The following COA1 variants were observed in gnomAD, a reference collection of about 807,000 sequenced individuals.
COA1 encodes the protein cytochrome c oxidase assembly factor 1.
In COA1, 13 loss-of-function variants were observed where a neutral mutation model predicts 16.0. That is an observed-to-expected ratio of 0.81 (90% CI 0.53 to 1.29). COA1 has a LOEUF of 1.29. COA1 is among the 50% of genes most tolerant of loss of function. The pLI, the probability that COA1 is intolerant of heterozygous loss-of-function variation, is 0.00. For missense variants in COA1, 179 were observed against 177.0 expected (o/e 1.01, Z -0.06); for synonymous variants, 65 against 65.7 (o/e 0.99, Z 0.05).
chr7:43,700,573 T>A (rs976110280), intron 1 of COA1, among the ~76,000 whole-genome samples: 21 of 131,138 alleles, frequency 1.6e-4, no homozygotes, highest in African/African-American at 5.6e-4. Context: ...TATGTACACA[T>A]ATATACGTGT....
intron 1 of COA1, among the ~76,000 whole-genome samples, chr7:43,685,506 G>C (rs971294631): frequency 3.9e-5 from 6 of 152,172 alleles, no homozygotes; most frequent in Non-Finnish European, 7.3e-5. Context: ...TTTGCGGTGG[G>C]GTGGGTAGGG....
chr7:43,644,541 A>G (rs1194316259), intron 4 of COA1, among the ~76,000 whole-genome samples: 1 of 150,858 alleles, frequency 6.6e-6, no homozygotes, highest in Non-Finnish European at 1.5e-5. Flanking sequence ...TTTTTTTTTA[A>G]TTTTACAGAC....
In COA1 at chr7:43,710,957, T is replaced by C. The variant is rs74481231; in HGVS notation, c.-39+18472A>G. Among the ~76,000 whole-genome samples the C allele has an allele frequency of 2.6e-5, 4 of 152,204 alleles. 1 individual carries two copies. Among genetic ancestry groups the C allele is most frequent in the South Asian group, 4.2e-4 (2 of 4,818 alleles). On this transcript the variant is annotated intron_variant, in intron 1 of 5. Transcript: ENST00000223336. Reference sequence around the variant, plus strand: ...ATGTAGCAAGTCACATGGAAGCCTTTTGAGATAACTGCTCCAACCAGCAAT... The same window carrying C: ...ATGTAGCAAGTCACATGGAAGCCTTCTGAGATAACTGCTCCAACCAGCAAT...
chr7:43,661,220 G>A (rs2092389361), intron 1 of COA1, among the ~76,000 whole-genome samples: 1 of 152,172 alleles, frequency 6.6e-6, no homozygotes, highest in East Asian at 1.9e-4. Flanking sequence ...GGCTAGGATT[G>A]GGTTTTCCAT....
In COA1 at chr7:43,611,760, T is replaced by C. The variant is rs535427218; in HGVS notation, c.*134-2265A>G. On this transcript the variant is annotated intron_variant and NMD_transcript_variant, in intron 6 of 6. Transcript: ENST00000415076. ...CATGTTTGGTTTTACACTCTTAACTTTGCAAAATCGTGTATCTGTTTTATT... is the reference window on the plus strand; with the variant it reads ...CATGTTTGGTTTTACACTCTTAACTCTGCAAAATCGTGTATCTGTTTTATT... Among the ~76,000 whole-genome samples the C allele has an allele frequency of 2.0e-5, 3 of 152,350 alleles. No individual in the cohort carries two copies. The East Asian group carries it at 5.8e-4, about 29-fold the overall frequency.
chr7:43,714,069 C>T (rs2095328083), intron 1 of COA1, among the ~76,000 whole-genome samples: 1 of 152,090 alleles, frequency 6.6e-6, no homozygotes, highest in South Asian at 2.1e-4. Flanking sequence ...CGGTGGTATG[C>T]ACCAATAGTC....
At position 43,645,205 on chromosome 7, in the gene COA1, T is replaced by C. The variant is rs1584307033; in HGVS notation, c.264+46A>G. On this transcript the variant is annotated intron_variant, in intron 4 of 5. Coordinates refer to ENST00000223336, the MANE Select transcript of COA1 (RefSeq NM_018224.4). Reference sequence around the variant, plus strand: ...TTCCAGGAGACAGTAGACTCTCCTCTCCTTCAGCAGGCACCAGCCTGCGGT... The same window carrying C: ...TTCCAGGAGACAGTAGACTCTCCTCCCCTTCAGCAGGCACCAGCCTGCGGT... 2.5e-6 allele frequency: 4 copies of C among 1,599,410 alleles called. No homozygotes were observed. In the East Asian group the frequency reaches 8.9e-5, roughly 36 times the overall value.
chr7:43,619,874 A>G (rs2083700824), intron 6 of COA1: 4 of 1,098,884 alleles, frequency 3.6e-6, no homozygotes, highest in African/African-American at 3.2e-5. Context: ...ACATTTTACA[A>G]TGGAAAACGT....
intron 1 of COA1, among the ~76,000 whole-genome samples, chr7:43,668,864 G>A (rs903284194): frequency 2.0e-5 from 3 of 152,142 alleles, no homozygotes; most frequent in Non-Finnish European, 4.4e-5. Context: ...CACACTTGTG[G>A]GAACTGCTAT....
At chr7:43,669,114 G>A (rs934210078) in intron 1 of COA1, among the ~76,000 whole-genome samples, 1 of 152,124 alleles carries the variant, frequency 6.6e-6, no homozygotes, top group Non-Finnish European at 1.5e-5. Context: ...CCTAGCTGCT[G>A]TTCCCCATTC....
intron 1 of COA1, among the ~76,000 whole-genome samples, chr7:43,695,247 G>A (rs893794793): frequency 1.3e-5 from 2 of 151,228 alleles, no homozygotes; most frequent in African/African-American, 4.8e-5. Context: ...AATTTCAGAT[G>A]GAATCACATT....
At chr7:43,728,768 C>A (rs1334575689) in intron 1 of COA1, among the ~76,000 whole-genome samples, 1 of 152,176 alleles carries the variant, frequency 6.6e-6, no homozygotes, top group Non-Finnish European at 1.5e-5. Context: ...AGAAATAAAG[C>A]AATAGCCCTC....
At chr7:43,689,313 C>A (rs1230920819) in intron 1 of COA1, among the ~76,000 whole-genome samples, 2 of 152,106 alleles carry the variant, frequency 1.3e-5, no homozygotes, top group Non-Finnish European at 1.5e-5. Context: ...TCCATTCAAC[C>A]ATGTAAATGT....
chr7:43,707,467 T>C (rs529970755), intron 1 of COA1, among the ~76,000 whole-genome samples: 1 of 152,280 alleles, frequency 6.6e-6, no homozygotes, highest in East Asian at 1.9e-4. Flanking sequence ...ACCAGAGTCC[T>C]AGAAATTGAG....
intron 6 of COA1, among the ~76,000 whole-genome samples, chr7:43,628,159 G>A (rs2084786010): frequency 6.6e-6 from 1 of 151,926 alleles, no homozygotes; most frequent in East Asian, 2.0e-4. Flanking sequence ...GCTAATTTTT[G>A]TATTTTTTTT....
intron 1 of COA1, among the ~76,000 whole-genome samples, chr7:43,652,741 C>T (rs570482544): frequency 1.3e-5 from 2 of 152,268 alleles, no homozygotes; most frequent in African/African-American, 4.8e-5. Context: ...TACAAAATCA[C>T]TTAGAGACTA....
rs1158886080 is a variant in COA1, at chr7:43,619,724, G to T, written c.*134-10229C>A. ...ATTATGGGTACCCCTGAATATGTGG[G>T]TAAGTATTCATAAAAGTAGTTTTGT... On this transcript the variant is annotated intron_variant and NMD_transcript_variant, in intron 6 of 6. Coordinates refer to the COA1 transcript ENST00000415076. 6.8e-6 allele frequency: 11 copies of T among 1,613,038 alleles called. No homozygotes were observed. In the East Asian group the frequency reaches 2.5e-4, roughly 36 times the overall value.
chr7:43,696,239 C>A (rs926619793), intron 1 of COA1, among the ~76,000 whole-genome samples: 1 of 152,176 alleles, frequency 6.6e-6, no homozygotes, highest in Non-Finnish European at 1.5e-5. Flanking sequence ...AGAAAATGAA[C>A]CAGCAGGGGA....
intron 1 of COA1, among the ~76,000 whole-genome samples, chr7:43,695,081 C>G (rs1481380635): frequency 6.6e-6 from 1 of 152,216 alleles, no homozygotes; most frequent in African/African-American, 2.4e-5. Context: ...ATTGTCCACA[C>G]TCTTAGACTA....
Sources: gnomAD v4.1 joint callset for allele counts (sites outside exome capture counted in the v4.1 genomes callset) on GRCh38, gnomAD v4.1.1 for gene constraint, MANE v1.5 for transcripts, NCBI Gene and HGNC (gene_info 2026-07-23, HGNC 2026-07-21) for gene names.